The following UNC5C variants were observed in gnomAD, a reference collection of about 807,000 sequenced individuals.
The protein encoded by UNC5C is netrin receptor UNC5C.
Under a neutral mutation model 99.8 loss-of-function variants are expected in UNC5C, and 47 were observed. The observed-to-expected ratio is 0.47, with a 90% confidence interval of 0.37 to 0.60. The LOEUF (loss-of-function observed/expected upper bound fraction) is 0.60. Among genes scored for constraint, UNC5C ranks in the 20% least tolerant of loss-of-function variants. The pLI, the probability that UNC5C is intolerant of heterozygous loss-of-function variation, is 0.00. For missense variants in UNC5C, 1,062 were observed against 1,165.9 expected, an observed-to-expected ratio of 0.91 and a Z score of 1.30; for synonymous variants, 487 against 452.2, an observed-to-expected ratio of 1.08 and a Z score of -0.98.
intron 1 of UNC5C, among the ~76,000 whole-genome samples, chr4:95,431,171 C>T (rs2149460263): frequency 6.6e-6 from 1 of 152,206 alleles, no homozygotes; most frequent in East Asian, 1.9e-4. Flanking sequence ...GCTCGAATCT[C>T]AGTGCTACCA....
intron 1 of UNC5C, among the ~76,000 whole-genome samples, chr4:95,510,271 C>G (rs1430666274): frequency 6.6e-6 from 1 of 151,764 alleles, no homozygotes; most frequent in Admixed American, 6.6e-5. Context: ...ACTATAAATA[C>G]TTTACTATTA....
At chr4:95,520,844 C>A (rs1238877412) in intron 1 of UNC5C, among the ~76,000 whole-genome samples, 1 of 152,060 alleles carries the variant, frequency 6.6e-6, no homozygotes, top group African/African-American at 2.4e-5. Flanking sequence ...TCGTGATCCA[C>A]CCGCCTCGGC....
chr4:95,325,323 C>T (rs1742846497), intron 2 of UNC5C, among the ~76,000 whole-genome samples: 1 of 151,894 alleles, frequency 6.6e-6, no homozygotes. Flanking sequence ...GAATAAACTG[C>T]TGGAAAAAGA....
At chr4:95,176,113 T>C (rs1232320785) in intron 14 of UNC5C, among the ~76,000 whole-genome samples, 2 of 151,172 alleles carry the variant, frequency 1.3e-5, no homozygotes, top group Admixed American at 6.6e-5. Context: ...TAAGCACTTC[T>C]CTGTATTGGT....
At position 95,168,464 on chromosome 4, in the gene UNC5C, A is replaced by G. The variant is rs558054154; in HGVS notation, c.*770T>C. 1.6e-4 allele frequency: 24 copies of G among 152,742 alleles called. No individual in the cohort carries two copies. Among genetic ancestry groups the G allele is most frequent in the African/African-American group, 5.3e-4 (22 of 41,558 alleles). The allele number at this position is 152,742 out of a possible 1,614,324, so 9.5% of individuals were successfully genotyped here. On this transcript the variant is annotated 3_prime_UTR_variant, in exon 16 of 16. Transcript: ENST00000453304. ...TTTAAAAAAAAACACTTCATATTGC[A>G]TATTACAAACAAACACACATGTTGT...
intron 1 of UNC5C, among the ~76,000 whole-genome samples, chr4:95,536,085 T>A (rs1260578166): frequency 4.0e-5 from 6 of 148,710 alleles, no homozygotes; most frequent in Non-Finnish European, 7.5e-5. Flanking sequence ...TATATATATT[T>A]TTTTTTTTTG....
chr4:95,515,130 T>C (rs1722179752), intron 1 of UNC5C, among the ~76,000 whole-genome samples: 1 of 152,210 alleles, frequency 6.6e-6, no homozygotes, highest in South Asian at 2.1e-4. Flanking sequence ...TTTATATATG[T>C]AACATGGAAA....
rs1472205071 is a variant in UNC5C at position 95,181,662 on chromosome 4, A to C, written c.2451+1235T>G. On this transcript the variant is annotated intron_variant, in intron 14 of 15. Transcript: ENST00000453304. The stretch of plus-strand genomic sequence containing the variant: ...GTTGCCATGGCACCCTGACACCGAG[A>C]TCATTCCTTATGAATGTCACCGGGG... Among the ~76,000 whole-genome samples, 6 of 152,080 alleles carry C rather than the reference A, an allele frequency of 3.9e-5. No homozygotes were observed. In the East Asian group the frequency reaches 7.7e-4, roughly 20 times the overall value.
chr4:95,530,726 C>G (rs189375130), intron 1 of UNC5C, among the ~76,000 whole-genome samples: 1 of 152,100 alleles, frequency 6.6e-6, no homozygotes, highest in Non-Finnish European at 1.5e-5. Flanking sequence ...GAAGATACAG[C>G]ATCTTATCAT....
chr4:95,292,272 T>A (rs893348444), intron 3 of UNC5C, among the ~76,000 whole-genome samples: 4 of 145,398 alleles, frequency 2.8e-5, no homozygotes, highest in African/African-American at 1.0e-4. Flanking sequence ...TATATAAATT[T>A]TTTTTGTTTT....
chr4:95,243,664 T>G (rs1227044935), intron 6 of UNC5C, among the ~76,000 whole-genome samples: 5 of 152,322 alleles, frequency 3.3e-5, no homozygotes, highest in African/African-American at 1.2e-4. Flanking sequence ...TTCAAATTAT[T>G]ATGTAAATAT....
At chr4:95,209,389 G>C (rs1737998540) in intron 10 of UNC5C, among the ~76,000 whole-genome samples, 1 of 152,032 alleles carries the variant, frequency 6.6e-6, no homozygotes, top group African/African-American at 2.4e-5. Context: ...ATTAAAATTT[G>C]GTATATGTTC....
At chr4:95,290,451 T>G (rs928987026) in intron 3 of UNC5C, among the ~76,000 whole-genome samples, 3 of 152,154 alleles carry the variant, frequency 2.0e-5, no homozygotes, top group African/African-American at 7.2e-5. Context: ...CAAGAATGGT[T>G]GTATGTTTTT....
At chr4:95,346,571 A>G (rs1057481363) in intron 1 of UNC5C, among the ~76,000 whole-genome samples, 2 of 152,088 alleles carry the variant, frequency 1.3e-5, no homozygotes, top group Non-Finnish European at 2.9e-5. Context: ...ACACATTAAA[A>G]AGATAATTCA....
intron 1 of UNC5C, among the ~76,000 whole-genome samples, chr4:95,365,846 G>T (rs1744546531): frequency 6.6e-6 from 1 of 151,996 alleles, no homozygotes; most frequent in Non-Finnish European, 1.5e-5. Flanking sequence ...TCTACCAGGT[G>T]TTATTTTCCT....
intron 1 of UNC5C, among the ~76,000 whole-genome samples, chr4:95,435,761 A>C (rs1406900962): frequency 6.6e-6 from 1 of 152,088 alleles, no homozygotes; most frequent in Non-Finnish European, 1.5e-5. Flanking sequence ...TTCCATAAGC[A>C]AACTTAGGTC....
At chr4:95,389,101 C>G (rs1165144543) in intron 1 of UNC5C, among the ~76,000 whole-genome samples, 1 of 152,084 alleles carries the variant, frequency 6.6e-6, no homozygotes, top group African/African-American at 2.4e-5. Flanking sequence ...TTCAAAAACA[C>G]TTGTCTTTAA....
At chr4:95,305,918 T>C (rs915241192) in intron 2 of UNC5C, among the ~76,000 whole-genome samples, 3 of 152,208 alleles carry the variant, frequency 2.0e-5, no homozygotes, top group Non-Finnish European at 4.4e-5. Flanking sequence ...TGACATTTAT[T>C]TCTTATTTTT....
intron 7 of UNC5C, among the ~76,000 whole-genome samples, chr4:95,231,955 G>A (rs1395819686): frequency 6.6e-6 from 1 of 152,098 alleles, no homozygotes; most frequent in African/African-American, 2.4e-5. Flanking sequence ...GTAATTTACT[G>A]CTCCAGCCTG....
Sources: allele counts gnomAD v4.1 joint callset (sites outside exome capture counted in the v4.1 genomes callset), GRCh38; gene constraint gnomAD v4.1.1; transcripts MANE v1.5; gene names NCBI Gene and HGNC (gene_info 2026-07-23, HGNC 2026-07-21).